Variants in TCF12 observed in about 807,000 individuals in gnomAD.
TCF12 encodes DNA-binding protein HTF4.
A neutral mutation model predicts 86.0 loss-of-function variants in TCF12; 45 were observed. That is an observed-to-expected ratio of 0.52 (90% CI 0.41 to 0.67). The LOEUF is 0.67. Among genes scored for constraint, TCF12 ranks in the 30% least tolerant of loss-of-function variants. The probability of loss-of-function intolerance (pLI) is 0.00; values close to 1 mark genes in which losing one functional copy is unlikely to be tolerated. For synonymous variants in TCF12, 330 were observed against 299.6 expected (o/e 1.10, Z -1.05); for missense variants, 881 against 859.9 (o/e 1.02, Z -0.31).
intron 3 of TCF12, among the ~76,000 whole-genome samples, chr15:56,967,218 T>G (rs191578121): frequency 6.6e-6 from 1 of 152,224 alleles, no homozygotes; most frequent in East Asian, 1.9e-4. Flanking sequence ...TGAACTGGAT[T>G]AAATTATAAT....
intron 11 of TCF12, 103 bp downstream of exon 11, chr15:57,232,959 T>C (rs576558723): frequency 7.5e-6 from 5 of 662,578 alleles, no homozygotes; most frequent in East Asian, 5.5e-5. Context: ...ATAAATGTTA[T>C]ATATATGTAT....
At chr15:56,952,878 A>G (rs1436378213) in intron 3 of TCF12, among the ~76,000 whole-genome samples, 1 of 152,112 alleles carries the variant, frequency 6.6e-6, no homozygotes, top group African/African-American at 2.4e-5. Context: ...TGTACTTTCC[A>G]GAAACTCCAG....
At chr15:57,235,248 C>T (rs2059332228) in intron 12 of TCF12, among the ~76,000 whole-genome samples, 1 of 152,148 alleles carries the variant, frequency 6.6e-6, no homozygotes, top group South Asian at 2.1e-4. Flanking sequence ...TGAATGCGCA[C>T]CTATACTGAG....
chr15:56,954,951 T>C (rs2061439165), intron 3 of TCF12, among the ~76,000 whole-genome samples: 1 of 152,182 alleles, frequency 6.6e-6, no homozygotes, highest in Admixed American at 6.5e-5. Context: ...ACACTGTTGG[T>C]GGGACCGTAA....
chr15:57,108,074 A>G (rs1228049292), intron 5 of TCF12, among the ~76,000 whole-genome samples: 1 of 152,198 alleles, frequency 6.6e-6, no homozygotes, highest in East Asian at 1.9e-4. Context: ...CCTTGAGTGC[A>G]CTGCACTCTT....
intron 5 of TCF12, among the ~76,000 whole-genome samples, chr15:57,138,470 C>T (rs1451672136): frequency 2.6e-5 from 4 of 152,182 alleles, no homozygotes; most frequent in African/African-American, 9.7e-5. Flanking sequence ...CTGCTGCCTC[C>T]AGTGGAAATT....
At chr15:57,277,220 G>A (rs2061438600) in intron 19 of TCF12, among the ~76,000 whole-genome samples, 1 of 152,148 alleles carries the variant, frequency 6.6e-6, no homozygotes, top group African/African-American at 2.4e-5. Context: ...AGCTACTTGG[G>A]ATGTTGAGTC....
chr15:57,076,153 G>T (rs1334055199), intron 4 of TCF12, among the ~76,000 whole-genome samples: 1 of 151,862 alleles, frequency 6.6e-6, no homozygotes, highest in Non-Finnish European at 1.5e-5. Context: ...ACTGCGTTCG[G>T]ATGGGCATCA....
intron 8 of TCF12, among the ~76,000 whole-genome samples, chr15:57,220,896 G>T (rs781507658): frequency 2.1e-4 from 32 of 151,872 alleles, no homozygotes; most frequent in Admixed American, 5.9e-4. Context: ...CTTAGTGAAG[G>T]GGGGGAGAGG....
intron 8 of TCF12, among the ~76,000 whole-genome samples, chr15:57,216,143 T>G (rs1438931486): frequency 6.6e-6 from 1 of 152,162 alleles, no homozygotes; most frequent in East Asian, 1.9e-4. Flanking sequence ...TGATAACATT[T>G]GGGAGGAAAA....
chr15:57,227,777 G>C (rs1414120037), intron 8 of TCF12, among the ~76,000 whole-genome samples: 1 of 152,036 alleles, frequency 6.6e-6, no homozygotes, highest in South Asian at 2.1e-4. Flanking sequence ...TAGCTACTGT[G>C]AGCTTGGCAT....
chr15:57,170,735 A>AT (rs1567559341), intron 6 of TCF12, among the ~76,000 whole-genome samples: 79 of 2,852 alleles, frequency 0.028, 2 homozygotes, highest in African/African-American at 0.046. Context: ...TATATTATAT[A>AT]TAATATATAT....
Position 57,098,048 on chromosome 15 carries a change from G to A in TCF12, c.325+6157G>A. ...AAAAAAAAAAAAACCAGTCAGGCAT[G>A]ATGGCACATGCTTGTAATCCCAGCT... On this transcript the variant is annotated intron_variant, in intron 5 of 20. Coordinates refer to ENST00000333725, the MANE Select transcript of TCF12 (RefSeq NM_207037.2). Among the ~76,000 whole-genome samples, 2 of 141,040 alleles carry A rather than the reference G, an allele frequency of 1.4e-5. 1 individual carries two copies. The highest frequency in any genetic ancestry group is 7.4e-3 in the Middle Eastern group (2 of 272). 92.5% of individuals were successfully genotyped at this position (141,040 alleles called of 152,430 possible).
intron 8 of TCF12, among the ~76,000 whole-genome samples, chr15:57,207,939 A>G (rs781733455): frequency 1.2e-4 from 19 of 152,124 alleles, no homozygotes; most frequent in Middle Eastern, 3.2e-3. Context: ...GTCAAAATCA[A>G]CAAATATATA....
chr15:57,142,304 T>TATAGATAGATAGATAGATAGATAG (rs60126987), intron 5 of TCF12, among the ~76,000 whole-genome samples: 2,235 of 149,692 alleles, frequency 0.015, 16 homozygotes, highest in South Asian at 0.016. Context: ...CTCACACTTT[T>TATAGATAGATAGATAGATAGATAG]ATAGATAGAT....
intron 8 of TCF12, among the ~76,000 whole-genome samples, chr15:57,203,055 G>T (rs570843837): frequency 1.3e-5 from 2 of 152,178 alleles, no homozygotes; most frequent in Non-Finnish European, 2.9e-5. Context: ...AAGTTTTCAC[G>T]TTACCTCCAC....
intron 3 of TCF12, among the ~76,000 whole-genome samples, chr15:57,014,018 T>C (rs1381573580): frequency 1.3e-5 from 2 of 152,182 alleles, no homozygotes; most frequent in African/African-American, 4.8e-5. Flanking sequence ...ACTACTGTAT[T>C]TCAGACTTGT....
chr15:57,282,608 G>T lies in TCF12; in HGVS notation c.*11+10G>T, dbSNP rs1214436236. Reference sequence around the variant, plus strand: ...TGTAAACATCAGCCAGGTAAGTACGGGTTTGAAAAGAAACAGCAAGGAAAT... The same window carrying T: ...TGTAAACATCAGCCAGGTAAGTACGTGTTTGAAAAGAAACAGCAAGGAAAT... On this transcript the variant is annotated intron_variant, in intron 20 of 20. Coordinates refer to ENST00000333725, the MANE Select transcript of TCF12 (RefSeq NM_207037.2). 4.4e-6 allele frequency: 7 copies of T among 1,599,936 alleles called. No individual in the cohort carries two copies. The highest frequency in any genetic ancestry group is 6.0e-6 in the Non-Finnish European group (7 of 1,175,532).
intron 18 of TCF12, among the ~76,000 whole-genome samples, chr15:57,270,304 A>C (rs143741050): frequency 0.012 from 1,764 of 152,182 alleles, 32 homozygotes; most frequent in African/African-American, 0.04. Context: ...TATTTCATTA[A>C]TTTGATCTTC....
Sources: allele counts gnomAD v4.1 joint callset (sites outside exome capture counted in the v4.1 genomes callset), GRCh38; gene constraint gnomAD v4.1.1; transcripts MANE v1.5; gene names NCBI Gene and HGNC (gene_info 2026-07-23, HGNC 2026-07-21).